The following CNTNAP2 variants were observed in gnomAD, a reference collection of about 807,000 sequenced individuals.
CNTNAP2 encodes the protein contactin associated protein 2.
A neutral mutation model predicts 155.2 loss-of-function variants in CNTNAP2; 98 were observed. The ratio of observed to expected loss-of-function variants is 0.63; its 90% CI spans 0.54 to 0.75. The LOEUF is 0.75. CNTNAP2 is among the 30% of genes least tolerant of loss of function. The pLI, the probability that CNTNAP2 is intolerant of heterozygous loss-of-function variation, is 0.00. For missense variants in CNTNAP2, 1,727 were observed against 1,688.1 expected (o/e 1.02, Z -0.40); for synonymous variants, 651 against 631.2 (o/e 1.03, Z -0.47).
At position 146,426,117 on chromosome 7, in the gene CNTNAP2, C is replaced by T. The variant is rs559814468; in HGVS notation, c.97+309144C>T. On this transcript the variant is annotated intron_variant, in intron 1 of 23. Coordinates refer to ENST00000361727, the MANE Select transcript of CNTNAP2 (RefSeq NM_014141.6). ...AGGAGAATCTTTTGAACTCGGGAGG[C>T]GGAGGCTGCAGCGAGCCAAGATCGC... Among the ~76,000 whole-genome samples the T allele has an allele frequency of 5.9e-5, 8 of 135,328 alleles. No individual in the cohort carries two copies. In the South Asian group the frequency reaches 1.2e-3, roughly 20 times the overall value. 88.8% of individuals were successfully genotyped at this position (135,328 alleles called of 152,430 possible).
At chr7:146,886,090 A>C (rs1052819851) in intron 3 of CNTNAP2, among the ~76,000 whole-genome samples, 3 of 151,972 alleles carry the variant, frequency 2.0e-5, no homozygotes, top group Non-Finnish European at 4.4e-5. Context: ...GCTTTTATAA[A>C]AATTTGAAGG....
chr7:146,116,845 C>G lies in CNTNAP2; in HGVS notation c.-32C>G, dbSNP rs587780903. The stretch of plus-strand genomic sequence containing the variant: ...AGTCGGACTGCATCTCCGCAGCGAG[C>G]TCTTGGAGCGCCGCCGGCCGGGAGG... On this transcript the variant is annotated 5_prime_UTR_variant, in exon 1 of 24. Coordinates refer to ENST00000361727, the MANE Select transcript of CNTNAP2 (RefSeq NM_014141.6). The surrounding 1 kb of genome is among the most constrained non-coding windows in gnomAD (Gnocchi z 5.5). 7 of 1,522,868 alleles carry G rather than the reference C, an allele frequency of 4.6e-6. No homozygotes were observed. Among genetic ancestry groups the G allele is most frequent in the Non-Finnish European group, 6.2e-6 (7 of 1,128,074 alleles). 94.3% of individuals were successfully genotyped at this position (1,522,868 alleles called of 1,614,324 possible).
intron 15 of CNTNAP2, among the ~76,000 whole-genome samples, chr7:148,100,873 A>G (rs1416274929): frequency 1.3e-5 from 2 of 152,152 alleles, no homozygotes; most frequent in South Asian, 2.1e-4. Context: ...AAGACTTGGA[A>G]CCAACCTAAA....
chr7:147,176,906 A>G (rs1802359026), intron 8 of CNTNAP2, among the ~76,000 whole-genome samples: 1 of 130,554 alleles, frequency 7.7e-6, no homozygotes, highest in African/African-American at 3.0e-5. Context: ...TAATAATTAT[A>G]ATATATAATT....
intron 12 of CNTNAP2, among the ~76,000 whole-genome samples, chr7:147,604,745 G>A (rs1269761875): frequency 1.3e-5 from 2 of 152,138 alleles, no homozygotes; most frequent in African/African-American, 4.8e-5. Context: ...ATTTAGACAA[G>A]GGGGTCATGT....
At chr7:147,397,951 C>A (rs1228478126) in intron 10 of CNTNAP2, among the ~76,000 whole-genome samples, 3 of 151,764 alleles carry the variant, frequency 2.0e-5, no homozygotes, top group Admixed American at 2.0e-4. Flanking sequence ...ATTATGGGAC[C>A]TATTTTTAGC....
chr7:146,844,850 T>G (rs1021771348), intron 3 of CNTNAP2, among the ~76,000 whole-genome samples: 2 of 152,180 alleles, frequency 1.3e-5, no homozygotes, highest in African/African-American at 2.4e-5. Context: ...TTTTGATCCA[T>G]TTTGTTAATT....
At chr7:148,157,509 TG>T (rs1805420617) in intron 17 of CNTNAP2, among the ~76,000 whole-genome samples, 1 of 150,892 alleles carries the variant, frequency 6.6e-6, no homozygotes, top group Admixed American at 6.6e-5. Context: ...TTTACCATCT[TG>T]GGAAATATCT....
At chr7:146,137,537 G>A (rs1797815369) in intron 1 of CNTNAP2, among the ~76,000 whole-genome samples, 1 of 151,906 alleles carries the variant, frequency 6.6e-6, no homozygotes, top group Non-Finnish European at 1.5e-5. Context: ...CGCTGTACTA[G>A]CAAACTGTGA....
At chr7:148,218,980 A>T (rs1370444081) in intron 19 of CNTNAP2, among the ~76,000 whole-genome samples, 1 of 118,942 alleles carries the variant, frequency 8.4e-6, no homozygotes, top group Non-Finnish European at 1.6e-5. Flanking sequence ...GTCTCGCTCC[A>T]TCACCAGGCT....
chr7:147,497,650 A>G (rs1459112176), intron 11 of CNTNAP2, among the ~76,000 whole-genome samples: 1 of 152,186 alleles, frequency 6.6e-6, no homozygotes, highest in African/African-American at 2.4e-5. Context: ...GTTTTCTACC[A>G]TATGGCTATC....
chr7:146,163,551 CTA>C (rs1562973300), intron 1 of CNTNAP2, among the ~76,000 whole-genome samples: 1 of 137,906 alleles, frequency 7.3e-6, no homozygotes, highest in African/African-American at 2.9e-5. Flanking sequence ...ATCTATATAT[CTA>C]TATCTATATC....
At chr7:146,309,203 G>T (rs973539583) in intron 1 of CNTNAP2, among the ~76,000 whole-genome samples, 2 of 152,118 alleles carry the variant, frequency 1.3e-5, no homozygotes, top group East Asian at 1.9e-4. Context: ...TACATTTCCT[G>T]TTTTAACTTC....
chr7:148,240,799 A>C (rs2116797934), intron 20 of CNTNAP2, among the ~76,000 whole-genome samples: 1 of 152,086 alleles, frequency 6.6e-6, no homozygotes, highest in Admixed American at 6.6e-5. Context: ...CGAAGGTCCA[A>C]GAGTACCAAA....
At chr7:146,184,909 A>G (rs4612252) in intron 1 of CNTNAP2, among the ~76,000 whole-genome samples, 63,933 of 151,974 alleles carry the variant, frequency 0.42, 15,431 homozygotes, top group East Asian at 0.64. Context: ...ATTATTTTCT[A>G]TTTTACAAGT....
chr7:146,913,860 C>T (rs953038590), intron 3 of CNTNAP2, among the ~76,000 whole-genome samples: 2 of 151,946 alleles, frequency 1.3e-5, no homozygotes, highest in Non-Finnish European at 2.9e-5. Flanking sequence ...ATCACCTGAG[C>T]AGTGTACACC....
intron 13 of CNTNAP2, among the ~76,000 whole-genome samples, chr7:147,712,813 C>T (rs1796419645): frequency 6.6e-6 from 1 of 152,132 alleles, no homozygotes; most frequent in Non-Finnish European, 1.5e-5. Context: ...TTAACGGGTG[C>T]AGCACACCAA....
At chr7:147,261,637 A>G (rs576021223) in intron 8 of CNTNAP2, among the ~76,000 whole-genome samples, 1 of 152,230 alleles carries the variant, frequency 6.6e-6, no homozygotes, top group South Asian at 2.1e-4. Flanking sequence ...ACCTTTTAAC[A>G]CAAATATTAT....
intron 13 of CNTNAP2, among the ~76,000 whole-genome samples, chr7:147,815,240 T>C (rs1798245815): frequency 6.6e-6 from 1 of 152,138 alleles, no homozygotes; most frequent in Non-Finnish European, 1.5e-5. Context: ...CACACAATTC[T>C]ATAGGTCATA....
Sources: allele counts gnomAD v4.1 joint callset (sites outside exome capture counted in the v4.1 genomes callset), GRCh38; gene constraint gnomAD v4.1.1; non-coding constraint Gnocchi (gnomAD v3.1); transcripts MANE v1.5; gene names NCBI Gene and HGNC (gene_info 2026-07-23, HGNC 2026-07-21).